Variants in NAALADL2 observed in about 807,000 individuals in gnomAD.
NAALADL2 encodes inactive N-acetylated-alpha-linked acidic dipeptidase-like protein 2.
A neutral mutation model predicts 87.2 loss-of-function variants in NAALADL2; 76 were observed. That is an observed-to-expected ratio of 0.87 (90% confidence interval 0.72 to 1.05). NAALADL2 has a LOEUF of 1.05. NAALADL2 is among the 50% of genes least tolerant of loss of function. NAALADL2 has a pLI of 0.00. For missense variants in NAALADL2, 1,089 were observed against 945.8 expected, an observed-to-expected ratio of 1.15 and a Z score of -1.99; for synonymous variants, 354 against 331.0, an observed-to-expected ratio of 1.07 and a Z score of -0.75.
At chr3:174,717,271 G>T (rs1731276349) in intron 2 of NAALADL2, among the ~76,000 whole-genome samples, 1 of 152,070 alleles carries the variant, frequency 6.6e-6, no homozygotes, top group Non-Finnish European at 1.5e-5. Flanking sequence ...GTCCCAGAGA[G>T]ACTCATTATA....
intron 2 of NAALADL2, among the ~76,000 whole-genome samples, chr3:175,098,815 C>T (rs1721612220): frequency 6.6e-6 from 1 of 151,630 alleles, no homozygotes; most frequent in Non-Finnish European, 1.5e-5. Flanking sequence ...TCATTATGGA[C>T]ATCTGTTCTA....
intron 3 of NAALADL2, among the ~76,000 whole-genome samples, chr3:174,777,136 G>T (rs1715308464): frequency 6.6e-6 from 1 of 151,918 alleles, no homozygotes; most frequent in South Asian, 2.1e-4. Context: ...TGATATTTTG[G>T]ACACCAGCCC....
chr3:175,011,129 T>C lies in NAALADL2; in HGVS notation c.44-85661T>C, dbSNP rs1239910790. Among the ~76,000 whole-genome samples, 7 of 152,222 alleles carry C rather than the reference T, an allele frequency of 4.6e-5. No homozygotes were observed. In the East Asian group the frequency reaches 1.2e-3, roughly 25 times the overall value. On this transcript the variant is annotated intron_variant, in intron 1 of 13. Transcript: ENST00000454872. ...TCCAGAAACTGACTTTTTTCCTCCT[T>C]GATCCATAATTTGGGGCAGCCATAT...
chr3:175,241,268 T>C (rs1746824773), intron 3 of NAALADL2, among the ~76,000 whole-genome samples: 1 of 152,172 alleles, frequency 6.6e-6, no homozygotes, highest in South Asian at 2.1e-4. Flanking sequence ...TTGCCCAGGC[T>C]GGAGTGCAGT....
chr3:175,299,286 GT>G (rs941092646), intron 4 of NAALADL2, among the ~76,000 whole-genome samples: 18 of 151,876 alleles, frequency 1.2e-4, no homozygotes, highest in African/African-American at 3.9e-4. Context: ...ATATAAAGTA[GT>G]TTTTTTTGTT....
chr3:174,924,561 C>T (rs1735706915), intron 1 of NAALADL2, among the ~76,000 whole-genome samples: 1 of 152,020 alleles, frequency 6.6e-6, no homozygotes, highest in Admixed American at 6.6e-5. Context: ...ATTTATAATC[C>T]TTTGGGTATA....
chr3:174,524,091 G>A (rs1720511572), intron 1 of NAALADL2, among the ~76,000 whole-genome samples: 2 of 151,614 alleles, frequency 1.3e-5, no homozygotes, highest in South Asian at 4.2e-4. Flanking sequence ...TATTATCTGT[G>A]TTTTATGATT....
At chr3:175,358,998 T>C (rs1764690340) in intron 5 of NAALADL2, among the ~76,000 whole-genome samples, 1 of 152,102 alleles carries the variant, frequency 6.6e-6, no homozygotes, top group African/African-American at 2.4e-5. Context: ...ACTTAGGGAC[T>C]GCTCTAGGGT....
chr3:174,963,654 G>A (rs1742452990), intron 1 of NAALADL2, among the ~76,000 whole-genome samples: 1 of 152,092 alleles, frequency 6.6e-6, no homozygotes, highest in Non-Finnish European at 1.5e-5. Context: ...CTTCACTGGT[G>A]AGAATTAAGT....
intron 9 of NAALADL2, among the ~76,000 whole-genome samples, chr3:175,504,261 G>A (rs933525418): frequency 2.6e-5 from 4 of 152,114 alleles, no homozygotes; most frequent in Admixed American, 6.6e-5. Context: ...TGTCAAAGAG[G>A]GCACTTCAGA....
At chr3:175,104,425 T>A (rs1722748470) in intron 2 of NAALADL2, among the ~76,000 whole-genome samples, 1 of 152,214 alleles carries the variant, frequency 6.6e-6, no homozygotes, top group Admixed American at 6.6e-5. Flanking sequence ...AAACATAAGA[T>A]GTTGCTGTTG....
chr3:174,488,761 A>G (rs1560011471), intron 1 of NAALADL2, among the ~76,000 whole-genome samples: 1 of 151,968 alleles, frequency 6.6e-6, no homozygotes, highest in Non-Finnish European at 1.5e-5. Context: ...ACCCTGTACT[A>G]AATCAGCCTA....
At chr3:175,364,026 G>A (rs1765301383) in intron 5 of NAALADL2, among the ~76,000 whole-genome samples, 1 of 148,062 alleles carries the variant, frequency 6.8e-6, no homozygotes. Flanking sequence ...AGCAGTTATA[G>A]TTGTGATTTC....
At chr3:174,601,794 C>A (rs562087219) in intron 2 of NAALADL2, among the ~76,000 whole-genome samples, 13 of 152,206 alleles carry the variant, frequency 8.5e-5, no homozygotes, top group Admixed American at 5.2e-4. Flanking sequence ...AGATTTAAGT[C>A]TTTAATCCAC....
At chr3:174,504,836 A>G (rs1424678623) in intron 1 of NAALADL2, among the ~76,000 whole-genome samples, 1 of 152,140 alleles carries the variant, frequency 6.6e-6, no homozygotes, top group African/African-American at 2.4e-5. Context: ...TAGTAGTACA[A>G]GTTTATTTTC....
intron 3 of NAALADL2, among the ~76,000 whole-genome samples, chr3:174,780,244 A>G (rs560836450): frequency 2.0e-4 from 31 of 152,072 alleles, no homozygotes; most frequent in Non-Finnish European, 4.3e-4. Flanking sequence ...CTTTGTAGCA[A>G]TTGTAAATGG....
intron 11 of NAALADL2, among the ~76,000 whole-genome samples, chr3:175,645,579 G>A (rs1334703222): frequency 6.6e-6 from 1 of 151,952 alleles, no homozygotes; most frequent in African/African-American, 2.4e-5. Flanking sequence ...GTTACAGAGG[G>A]AGAAGAAAAA....
At chr3:174,624,131 G>A (rs368326194) in intron 2 of NAALADL2, among the ~76,000 whole-genome samples, 1 of 152,032 alleles carries the variant, frequency 6.6e-6, no homozygotes, top group East Asian at 1.9e-4. Flanking sequence ...AAACATTTCT[G>A]CATAAACATC....
chr3:174,770,876 C>T (rs946644795), intron 3 of NAALADL2, among the ~76,000 whole-genome samples: 26 of 151,506 alleles, frequency 1.7e-4, no homozygotes, highest in African/African-American at 5.8e-4. Flanking sequence ...AAAAGAAATA[C>T]GTATTTTTTA....
Sources: allele counts gnomAD v4.1 joint callset (sites outside exome capture counted in the v4.1 genomes callset), GRCh38; gene constraint gnomAD v4.1.1; transcripts MANE v1.5; gene names NCBI Gene and HGNC (gene_info 2026-07-23, HGNC 2026-07-21).